The following GALNT13 variants were observed in gnomAD, a reference collection of about 807,000 sequenced individuals.
GALNT13 encodes polypeptide N-acetylgalactosaminyltransferase 13, also known as UDP-GalNAc:polypeptide N-acetylgalactosaminyltransferase 13.
Under a neutral mutation model 64.2 loss-of-function variants are expected in GALNT13, and 28 were observed. The observed-to-expected ratio is 0.44, with a 90% CI of 0.32 to 0.60. GALNT13 has a LOEUF of 0.60. GALNT13 is among the 20% of genes least tolerant of loss of function. GALNT13 has a pLI of 0.05. For synonymous variants in GALNT13, 214 were observed against 224.6 expected, an observed-to-expected ratio of 0.95 and a Z score of 0.42; for missense variants, 577 against 669.8, an observed-to-expected ratio of 0.86 and a Z score of 1.53.
chr2:154,223,436 T>TTTTTTC (rs1465347142), intron 4 of GALNT13, among the ~76,000 whole-genome samples: 1 of 146,584 alleles, frequency 6.8e-6, no homozygotes, highest in Non-Finnish European at 1.5e-5. Context: ...ATTTATTTTC[T>TTTTTTC]TTTTTCTTTT....
chr2:153,947,345 G>A (rs977027166), intron 3 of GALNT13, among the ~76,000 whole-genome samples: 8 of 151,628 alleles, frequency 5.3e-5, no homozygotes, highest in East Asian at 1.9e-4. Context: ...GTGTGTGTGC[G>A]TGTAATCATG....
At chr2:153,918,514 T>A (rs1274770340) in intron 2 of GALNT13, among the ~76,000 whole-genome samples, 1 of 152,068 alleles carries the variant, frequency 6.6e-6, no homozygotes, top group Non-Finnish European at 1.5e-5. Context: ...TCTTAACAGA[T>A]CATGTGCAGA....
the GALNT13 span, among the ~76,000 whole-genome samples, chr2:153,773,148 T>A: frequency 1.3e-5 from 2 of 152,220 alleles, no homozygotes; most frequent in African/African-American, 4.8e-5. Context: ...GTGGTACTGC[T>A]ATTTGATATT....
At position 153,944,489 on chromosome 2, in the gene GALNT13, A is replaced by C. The variant is rs1305739241; in HGVS notation, c.-9A>C. 3 of 1,610,914 alleles carry C rather than the reference A, an allele frequency of 1.9e-6. No individual in the cohort carries two copies. The highest frequency in any genetic ancestry group is 1.7e-6 in the Non-Finnish European group (2 of 1,178,390). On this transcript the variant is annotated 5_prime_UTR_variant, in exon 3 of 13. Transcript: ENST00000392825. ...CAATCTGTGTGTTAACTAGAAATCA[A>C]GGAAAGACATGAGGAGATTTGTCTA... is the stretch of plus-strand genomic sequence containing the variant.
At chr2:154,053,195 G>C (rs957450065) in intron 3 of GALNT13, among the ~76,000 whole-genome samples, 3 of 152,104 alleles carry the variant, frequency 2.0e-5, no homozygotes, top group African/African-American at 7.2e-5. Flanking sequence ...AAAGAACACT[G>C]AACTTGGAGG....
At chr2:153,938,794 G>A (rs564729439) in intron 2 of GALNT13, among the ~76,000 whole-genome samples, 1 of 151,974 alleles carries the variant, frequency 6.6e-6, no homozygotes, top group East Asian at 1.9e-4. Context: ...ATTAGATTAG[G>A]GTCCACCCAT....
At chr2:154,089,301 G>C (rs1028517122) in intron 3 of GALNT13, among the ~76,000 whole-genome samples, 12 of 151,978 alleles carry the variant, frequency 7.9e-5, no homozygotes, top group African/African-American at 2.9e-4. Flanking sequence ...TACGGGCAGG[G>C]TACTCGGTGG....
the GALNT13 span, among the ~76,000 whole-genome samples, chr2:153,584,437 G>C: frequency 6.6e-6 from 1 of 152,196 alleles, no homozygotes; most frequent in African/African-American, 2.4e-5. Context: ...GGTCTTACCT[G>C]CAAGTGCCAT....
chr2:153,091,569 CA>C, the GALNT13 span, among the ~76,000 whole-genome samples: 3 of 152,136 alleles, frequency 2.0e-5, no homozygotes, highest in Non-Finnish European at 4.4e-5. Context: ...GTTCTTGGAG[CA>C]AAAAATCACA....
In GALNT13 at chr2:154,137,302, AAC is replaced by A. The variant is rs112665813; in HGVS notation, c.143-3011_143-3010del. Among the ~76,000 whole-genome samples, 875 of 148,144 alleles carry A rather than the reference AAC, an allele frequency of 5.9e-3. 11 individuals carry two copies. The highest frequency in any genetic ancestry group is 0.017 in the African/African-American group (693 of 40,714). On this transcript the variant is annotated intron_variant, in intron 3 of 12. Coordinates refer to ENST00000392825, the MANE Select transcript of GALNT13 (RefSeq NM_052917.4). ...AATAGGCCTGCTTATACACAGGCAAAACACACACACACACACACACACACATT... is the reference window on the plus strand; with the variant it reads ...AATAGGCCTGCTTATACACAGGCAAAACACACACACACACACACACACATT...
chr2:154,324,443 T>C (rs1000803064), intron 9 of GALNT13, among the ~76,000 whole-genome samples: 2 of 152,136 alleles, frequency 1.3e-5, no homozygotes, highest in Non-Finnish European at 2.9e-5. Context: ...CGTATATTTA[T>C]ATTGTGATAT....
At chr2:154,035,564 T>A (rs1433148828) in intron 3 of GALNT13, among the ~76,000 whole-genome samples, 1 of 152,064 alleles carries the variant, frequency 6.6e-6, no homozygotes, top group African/African-American at 2.4e-5. Context: ...TATTTTAAAG[T>A]AGTTTGAACT....
the GALNT13 span, among the ~76,000 whole-genome samples, chr2:153,572,017 G>T: frequency 6.6e-6 from 1 of 151,760 alleles, no homozygotes; most frequent in South Asian, 2.1e-4. Flanking sequence ...GTTGGGTAGG[G>T]TTAATATTAG....
At chr2:153,440,102 G>A in the GALNT13 span, among the ~76,000 whole-genome samples, 2 of 147,456 alleles carry the variant, frequency 1.4e-5, no homozygotes, top group African/African-American at 5.0e-5. Context: ...CCCTCCCCTA[G>A]CCCCCCACCC....
chr2:154,016,637 T>TG (rs1558909572), intron 3 of GALNT13, among the ~76,000 whole-genome samples: 1 of 151,984 alleles, frequency 6.6e-6, no homozygotes, highest in Non-Finnish European at 1.5e-5. Flanking sequence ...AGGCTGGTCT[T>TG]GAACTCCTGA....
chr2:154,363,681 C>G (rs537206727), intron 9 of GALNT13, among the ~76,000 whole-genome samples: 1 of 152,210 alleles, frequency 6.6e-6, no homozygotes, highest in Non-Finnish European at 1.5e-5. Flanking sequence ...ATGTGAAGCT[C>G]TTTTGGAATA....
chr2:153,389,941 C>T, the GALNT13 span, among the ~76,000 whole-genome samples: 3 of 152,040 alleles, frequency 2.0e-5, no homozygotes, highest in Admixed American at 1.3e-4. Flanking sequence ...GTGTTTATGA[C>T]CCAGCAATCC....
At chr2:153,259,412 G>C in the GALNT13 span, among the ~76,000 whole-genome samples, 1 of 151,202 alleles carries the variant, frequency 6.6e-6, no homozygotes, top group African/African-American at 2.4e-5. Flanking sequence ...TGAAAAGTTT[G>C]GTCAATTTTC....
At position 154,024,396 on chromosome 2, in the gene GALNT13, T is replaced by C. The variant is rs572433394; in HGVS notation, c.142+79757T>C. ...ATTTCTTGGAGGCTTTGTTCATTTC[T>C]TTTCTTTTTTCTCTAAACTTCCCTT... On this transcript the variant is annotated intron_variant, in intron 3 of 12. Transcript: ENST00000392825. Among the ~76,000 whole-genome samples, 23 of 152,276 alleles carry C rather than the reference T, an allele frequency of 1.5e-4. No homozygotes were observed. In the South Asian group the frequency reaches 3.9e-3, roughly 26 times the overall value.
Sources: gnomAD v4.1 joint callset for allele counts (sites outside exome capture counted in the v4.1 genomes callset) on GRCh38, gnomAD v4.1.1 for gene constraint, MANE v1.5 for transcripts, NCBI Gene and HGNC (gene_info 2026-07-23, HGNC 2026-07-21) for gene names.